Variants in CTBP2 observed in about 807,000 individuals in gnomAD.
The protein encoded by CTBP2 is C-terminal binding protein 2, also known as C-terminal-binding protein 2.
A neutral mutation model predicts 80.3 loss-of-function variants in CTBP2; 30 were observed. That is an observed-to-expected ratio of 0.37 (90% CI 0.28 to 0.51). The LOEUF (loss-of-function observed/expected upper bound fraction) is 0.51. CTBP2 is among the 20% of genes least tolerant of loss of function. The pLI, the probability that CTBP2 is intolerant of heterozygous loss-of-function variation, is 0.93. For missense variants in CTBP2, 1,212 were observed against 1,375.3 expected, an observed-to-expected ratio of 0.88 and a Z score of 1.88; for synonymous variants, 594 against 587.4, an observed-to-expected ratio of 1.01 and a Z score of -0.16.
At chr10:125,031,985 T>A (rs565555849), upstream of CTBP2, among the ~76,000 whole-genome samples, 18 of 152,182 alleles carry the variant, frequency 1.2e-4, no homozygotes, top group South Asian at 3.7e-3. Context: ...CTCAATTTCT[T>A]AACTATATTG....
In CTBP2 at chr10:124,986,982, T is replaced by TATC. The variant is rs1554942076; in HGVS notation, c.*2533_*2535dup. 7 of 152,494 alleles carry TATC rather than the reference T, an allele frequency of 4.6e-5. No homozygotes were observed. Among genetic ancestry groups the TATC allele is most frequent in the African/African-American group, 1.7e-4 (7 of 41,418 alleles). The allele number at this position is 152,494 out of a possible 1,614,324, so 9.4% of individuals were successfully genotyped here. ...AGCGCTCTATTATTTATTTATTTAT[T>TATC]ATCAATCAGTGACCCTGACCACATA... On this transcript the variant is annotated 3_prime_UTR_variant, in exon 9 of 9. Transcript: ENST00000309035.
At chr10:125,152,813 G>A (rs1158510249) in intron 1 of CTBP2, among the ~76,000 whole-genome samples, 2 of 152,172 alleles carry the variant, frequency 1.3e-5, no homozygotes, top group African/African-American at 4.8e-5. Flanking sequence ...CAGGTCAGCT[G>A]GGCATCTACG....
At chr10:125,137,411 CA>C (rs1857135966) in intron 1 of CTBP2, among the ~76,000 whole-genome samples, 1 of 152,162 alleles carries the variant, frequency 6.6e-6, no homozygotes, top group Admixed American at 6.5e-5. Context: ...ACCATCTTGT[CA>C]ACCCCACCAA....
intron 2 of CTBP2, among the ~76,000 whole-genome samples, chr10:125,098,164 A>G (rs1206166222): frequency 6.6e-6 from 1 of 152,208 alleles, no homozygotes; most frequent in Non-Finnish European, 1.5e-5. Context: ...CAGTAACAGC[A>G]GCAGCAGTCA....
intron 2 of CTBP2, among the ~76,000 whole-genome samples, chr10:125,093,424 T>G (rs1456637079): frequency 2.0e-5 from 3 of 152,186 alleles, no homozygotes; most frequent in African/African-American, 7.2e-5. Flanking sequence ...CTGCAGCAGG[T>G]CCTATTTTGG....
At chr10:125,111,134 G>A (rs1010929641) in intron 1 of CTBP2, 41 bp from the exon 2 acceptor site, 1 of 147,892 alleles carries the variant, frequency 6.8e-6, no homozygotes, top group Admixed American at 6.6e-5. Context: ...ATGAAGTAGA[G>A]ATTTTTTTTT....
intron 2 of CTBP2, among the ~76,000 whole-genome samples, chr10:125,057,898 C>A (rs986670935): frequency 6.6e-6 from 1 of 152,166 alleles, no homozygotes; most frequent in Non-Finnish European, 1.5e-5. Flanking sequence ...GGTCTGGGTC[C>A]TGGCCGTCCC....
At chr10:125,147,696 A>C (rs1442443478) in intron 1 of CTBP2, among the ~76,000 whole-genome samples, 1 of 152,120 alleles carries the variant, frequency 6.6e-6, no homozygotes, top group Non-Finnish European at 1.5e-5. Flanking sequence ...TCAGGAGTTC[A>C]TGAGCAGTCC....
intron 4 of CTBP2, among the ~76,000 whole-genome samples, chr10:124,995,622 C>T (rs1054044066): frequency 3.9e-5 from 6 of 152,166 alleles, no homozygotes; most frequent in Non-Finnish European, 7.3e-5. Flanking sequence ...TCCATCTAAC[C>T]GATGGCCTGG....
chr10:124,998,108 G>C lies in CTBP2; in HGVS notation c.2041C>G (p.His681Asp). The stretch of plus-strand genomic sequence containing the variant: ...TTCCTCCGGTACAGGTTGAGGATGT[G>C]GCAGATGGTAGAGTCCGCTGTCTCT... The change falls in exon 4 of 9, where the codon CAC (histidine) becomes GAC (aspartate). Residue 681 changes from histidine (H) to aspartate (D), a missense_variant. His to Asp is a moderately conservative substitution (Grantham distance 81). Coordinates refer to ENST00000309035, the MANE Select transcript of CTBP2 (RefSeq NM_022802.3). 1 of 1,612,556 alleles carries C rather than the reference G, an allele frequency of 6.2e-7. No individual in the cohort carries two copies. The highest frequency in any genetic ancestry group is 8.5e-7 in the Non-Finnish European group (1 of 1,179,622).
chr10:125,116,388 T>A (rs939205754), intron 1 of CTBP2, among the ~76,000 whole-genome samples: 1 of 152,064 alleles, frequency 6.6e-6, no homozygotes, highest in Admixed American at 6.5e-5. Flanking sequence ...GACGGCCTTC[T>A]CAAAATGGGC....
chr10:125,082,780 G>T (rs1847374861), intron 2 of CTBP2, among the ~76,000 whole-genome samples: 1 of 151,962 alleles, frequency 6.6e-6, no homozygotes, highest in Non-Finnish European at 1.5e-5. Context: ...GTAGAGACGG[G>T]GTTTCACCAT....
At chr10:125,134,471 G>A (rs1182387041) in intron 1 of CTBP2, among the ~76,000 whole-genome samples, 3 of 152,134 alleles carry the variant, frequency 2.0e-5, no homozygotes, top group Non-Finnish European at 4.4e-5. Context: ...TCAACCAGGG[G>A]AGTTCACAGC....
intron 2 of CTBP2, among the ~76,000 whole-genome samples, chr10:125,080,543 G>A (rs1373667778): frequency 6.6e-6 from 1 of 152,192 alleles, no homozygotes; most frequent in Non-Finnish European, 1.5e-5. Flanking sequence ...TGTCATCATT[G>A]GAAACACAAT....
chr10:125,038,792 C>T (rs1355995578), intron 3 of CTBP2, among the ~76,000 whole-genome samples: 12 of 152,206 alleles, frequency 7.9e-5, no homozygotes, highest in African/African-American at 1.4e-4. Flanking sequence ...TCCCCAACCC[C>T]GCCCCAGAAG....
intron 2 of CTBP2, among the ~76,000 whole-genome samples, chr10:125,084,475 G>C (rs1477270888): frequency 1.3e-5 from 2 of 152,168 alleles, no homozygotes; most frequent in African/African-American, 4.8e-5. Context: ...TCTAGGTGGA[G>C]TCCCTACCAG....
rs1401616075 is a variant in CTBP2, at chr10:125,027,636, T to C, written c.124A>G (p.Thr42Ala). ...CAAGTCCCCTCTGCTGTGCCATACG[T>C]CAGGGAGCTTCTCCTCCCCAGAGGC... The change falls in exon 1 of 9, where the codon ACG (threonine) becomes GCG (alanine). Residue 42 changes from threonine to alanine, a missense_variant. Physicochemically the swap from Thr to Ala is moderately conservative, Grantham distance 58. Around this residue, in one of 3 missense-constraint regions of CTBP2, gnomAD observed 848 missense variants for 782.3 expected, o/e 1.08. Transcript: ENST00000309035. 6.2e-7 allele frequency: 1 copy of C among 1,613,864 alleles called. No homozygotes were observed. The highest frequency in any genetic ancestry group is 1.3e-5 in the African/African-American group (1 of 74,874).
chr10:125,067,069 A>G (rs1844754573), intron 2 of CTBP2, among the ~76,000 whole-genome samples: 1 of 152,164 alleles, frequency 6.6e-6, no homozygotes, highest in Admixed American at 6.5e-5. Context: ...GGGGCGATTC[A>G]TTATTGGCCG....
chr10:125,128,465 A>G (rs1400503098), intron 1 of CTBP2, among the ~76,000 whole-genome samples: 1 of 152,216 alleles, frequency 6.6e-6, no homozygotes, highest in Non-Finnish European at 1.5e-5. Flanking sequence ...ATAGCCAGGA[A>G]AAGCAAGAGA....
Sources: gnomAD v4.1 joint callset for allele counts (sites outside exome capture counted in the v4.1 genomes callset) on GRCh38, gnomAD v4.1.1 for gene constraint, gnomAD v4.1.1 regional missense constraint, MANE v1.5 for transcripts, NCBI Gene and HGNC (gene_info 2026-07-23, HGNC 2026-07-21) for gene names.